Variants in NOL6 observed in about 807,000 individuals in gnomAD.
NOL6 encodes nucleolar RNA-associated protein.
A neutral mutation model predicts 131.7 loss-of-function variants in NOL6; 33 were observed. The ratio of observed to expected loss-of-function variants is 0.25; its 90% CI spans 0.19 to 0.33. The LOEUF (loss-of-function observed/expected upper bound fraction) is 0.33, where lower values mean the gene tolerates loss of function less well. NOL6 is among the 10% of genes least tolerant of loss of function. The pLI, the probability that NOL6 is intolerant of heterozygous loss-of-function variation, is 1.00. For synonymous variants in NOL6, 580 were observed against 605.7 expected (o/e 0.96, Z 0.62); for missense variants, 1,297 against 1,494.5 (o/e 0.87, Z 2.18).
rs1827427958 is a variant in NOL6 at position 33,472,133 on chromosome 9, G to A, written c.262-13C>T. 1 of 1,613,346 alleles carries A rather than the reference G, an allele frequency of 6.2e-7. No homozygotes were observed. The highest frequency in any genetic ancestry group is 1.3e-5 in the African/African-American group (1 of 75,040). On this transcript the variant is annotated splice_polypyrimidine_tract_variant and intron_variant, in intron 2 of 25. Transcript: ENST00000297990. Reference sequence around the variant, plus strand: ...GTAGCTCCTCTACCTGTAAGAGAGGGTAGAAGACAGTCCATCAGCCTCAGG... The same window carrying A: ...GTAGCTCCTCTACCTGTAAGAGAGGATAGAAGACAGTCCATCAGCCTCAGG...
Position 33,465,902 on chromosome 9 carries a change from T to C in NOL6, c.2365-5A>G, listed in dbSNP as rs1430935072. ...AATCCGAAACACAAATCCATCCTGTTGGAAGAAGGTATGGAAAGAGAAGGA... is the reference window on the plus strand; with the variant it reads ...AATCCGAAACACAAATCCATCCTGTCGGAAGAAGGTATGGAAAGAGAAGGA... On this transcript the variant is annotated splice_polypyrimidine_tract_variant and splice_region_variant and intron_variant, in intron 18 of 25. Coordinates refer to ENST00000297990, the MANE Select transcript of NOL6 (RefSeq NM_022917.5). 4 of 1,613,042 alleles carry C rather than the reference T, an allele frequency of 2.5e-6. No individual in the cohort carries two copies. Among genetic ancestry groups the C allele is most frequent in the Non-Finnish European group, 3.4e-6 (4 of 1,179,190 alleles).
At position 33,470,112 on chromosome 9, in the gene NOL6, C is replaced by T. The variant is rs373815590; in HGVS notation, c.458G>A (p.Arg153His). Residue 153 changes from arginine (R) to histidine (H), a missense_variant, in exon 4 of 26, where the codon CGC (arginine) becomes CAC (histidine). Arg to His is a conservative substitution (Grantham distance 29). Transcript: ENST00000297990. Reference protein sequence around the residue: ...QVPYAVKGCFRFLPPAQVTVV... With the variant: ...QVPYAVKGCFHFLPPAQVTVV... The stretch of plus-strand genomic sequence containing the variant: ...AGTAACCTGGGCTGGGGGCAGGAAG[C>T]GGAAACAGCCCTTCACGGCATAGGG... The T allele has an allele frequency of 2.4e-5, 38 of 1,612,554 alleles. No homozygotes were observed. The highest frequency in any genetic ancestry group is 2.1e-4 in the African/African-American group (16 of 74,896).
chr9:33,464,217 A>G, intron 21 of NOL6, 56 bp from the exon 22 acceptor site: 2 of 1,539,654 alleles, frequency 1.3e-6, no homozygotes, highest in East Asian at 2.3e-5. Flanking sequence ...GACACCCTCT[A>G]CTCCCCCAGG....
At chr9:33,466,819 T>C in intron 15 of NOL6, 93 bp downstream of exon 15, 1 of 1,572,614 alleles carries the variant, frequency 6.4e-7, no homozygotes, top group South Asian at 1.1e-5. Flanking sequence ...CTGCTGGACA[T>C]GCCAGGAAGT....
At chr9:33,469,459 C>A in intron 5 of NOL6, 40 bp downstream of exon 5, 1 of 1,591,382 alleles carries the variant, frequency 6.3e-7, no homozygotes, top group South Asian at 1.1e-5. Flanking sequence ...CCAGATTTAC[C>A]ATCCCATGCT....
In NOL6 at chr9:33,466,184, C is replaced by G; in HGVS notation, c.2251G>C (p.Ala751Pro). 4.3e-6 allele frequency: 7 copies of G among 1,612,846 alleles called. No homozygotes were observed. The highest frequency in any genetic ancestry group is 5.9e-6 in the Non-Finnish European group (7 of 1,179,528). The change falls in exon 18 of 26, where the codon GCT (alanine) becomes CCT (proline). Residue 751 changes from alanine to proline, a missense_variant. Ala to Pro is a conservative substitution (Grantham distance 27). Coordinates refer to ENST00000297990, the MANE Select transcript of NOL6 (RefSeq NM_022917.5). The part of the protein sequence containing the change: ...LEGSGQWPQD[A>P]EAVQRVRAAF... ...GCTCGGACCCGCTGCACGGCCTCAG[C>G]GTCCTGTGGCCACTGGCCACTGCCC...
chr9:33,469,422 G>A, intron 5 of NOL6, 77 bp downstream of exon 5: 1 of 1,604,942 alleles, frequency 6.2e-7, no homozygotes, highest in Non-Finnish European at 8.5e-7. Context: ...CCATACTTGA[G>A]GCCTCCGTGC....
chr9:33,472,072 G>A lies in NOL6; in HGVS notation c.310C>T (p.Arg104Trp), dbSNP rs200981776. ...EVRLSEKKKD[R>W]IDAFLREVNQ... ...ACCTCCCGTAGGAAGGCATCAATCCGATCCTTCTTCTTCTCTGACAGCCTT... is the reference window on the plus strand; with the variant it reads ...ACCTCCCGTAGGAAGGCATCAATCCAATCCTTCTTCTTCTCTGACAGCCTT... Residue 104 changes from arginine (R) to tryptophan (W), a missense_variant, in exon 3 of 26, where the codon CGG becomes TGG. Arg to Trp is a moderately radical substitution (Grantham distance 101, BLOSUM62 -3). Transcript: ENST00000297990. The A allele has an allele frequency of 4.0e-4, 638 of 1,613,916 alleles. 2 individuals carry two copies. Among genetic ancestry groups the A allele is most frequent in the South Asian group, 1.2e-3 (105 of 91,062 alleles).
At position 33,461,932 on chromosome 9, in the gene NOL6, C is replaced by T; in HGVS notation, c.*732G>A. The T allele has an allele frequency of 1.9e-6, 1 of 537,378 alleles. No individual in the cohort carries two copies. The highest frequency in any genetic ancestry group is 3.0e-5 in the East Asian group (1 of 33,346). 33.3% of individuals were successfully genotyped at this position (537,378 alleles called of 1,614,324 possible). A position where few individuals can be genotyped will look rare whatever the true frequency, so the allele number is the denominator to read the frequency against. ...GGTACATAGTAGTGGCAGTTTGTGA[C>T]ATGAACGGGCAAACAGCCAGGGCAG... On this transcript the variant is annotated 3_prime_UTR_variant, in exon 26 of 26. Coordinates refer to ENST00000297990, the MANE Select transcript of NOL6 (RefSeq NM_022917.5).
At position 33,463,425 on chromosome 9, in the gene NOL6, G is replaced by T. The variant is rs769325323; in HGVS notation, c.3011C>A (p.Pro1004His). 5.0e-6 allele frequency: 8 copies of T among 1,612,248 alleles called. No individual in the cohort carries two copies. Among genetic ancestry groups the T allele is most frequent in the Non-Finnish European group, 6.8e-6 (8 of 1,179,054 alleles). Residue 1004 changes from proline to histidine, a missense_variant, in exon 24 of 26, where the codon CCC becomes CAC. Physicochemically the swap from Pro to His is moderately conservative, Grantham distance 77. Coordinates refer to ENST00000297990, the MANE Select transcript of NOL6 (RefSeq NM_022917.5). ...PGDIRTVFRP[P>H]LDIYDVLIRL... ...AATCAGCACGTCGTAAATGTCCAAG[G>T]GCGGCCGGAACACTGTCTAAGGAAG...
rs766027559 is a variant in NOL6 at position 33,472,225 on chromosome 9, G to T, written c.242C>A (p.Ser81Tyr). 1.9e-6 allele frequency: 3 copies of T among 1,614,210 alleles called. No individual in the cohort carries two copies. The highest frequency in any genetic ancestry group is 2.5e-6 in the Non-Finnish European group (3 of 1,180,030). Reference sequence around the variant, plus strand: ...CAGTACCTGTAAACGAAGCAAGCTGGAGTGGAACAAGATCTCAGTCTCCCG... The same window carrying T: ...CAGTACCTGTAAACGAAGCAAGCTGTAGTGGAACAAGATCTCAGTCTCCCG... ...RLRETEILFH[S>Y]SLLRLQVEEL... Residue 81 changes from serine to tyrosine, a missense_variant, in exon 2 of 26, where the codon TCC (serine) becomes TAC (tyrosine). Ser to Tyr is a moderately radical substitution (Grantham distance 144). Coordinates refer to ENST00000297990, the MANE Select transcript of NOL6 (RefSeq NM_022917.5).
rs531563377 is a variant in NOL6 at position 33,468,090 on chromosome 9, C to T, written c.1364G>A (p.Gly455Glu). 1 of 1,614,144 alleles carries T rather than the reference C, an allele frequency of 6.2e-7. No homozygotes were observed. Among genetic ancestry groups the T allele is most frequent in the African/African-American group, 1.3e-5 (1 of 75,046 alleles). The part of the protein sequence containing the change: ...MMLLDSRADD[G>E]FHLLLMTPKP... ...GGGAGTCATCAACAGCAGGTGGAAC[C>T]CGTCGTCAGCTCTGCTGTCCAGCAA... The change falls in exon 11 of 26, where the codon GGG (glycine) becomes GAG (glutamate). Residue 455 changes from glycine to glutamate, a missense_variant. Physicochemically the swap from Gly to Glu is moderately conservative, Grantham distance 98 (BLOSUM62 -2). Coordinates refer to ENST00000297990, the MANE Select transcript of NOL6 (RefSeq NM_022917.5).
chr9:33,472,458 G>T, intron 1 of NOL6, 46 bp from the exon 2 acceptor site: 3 of 1,495,628 alleles, frequency 2.0e-6, no homozygotes, highest in South Asian at 2.3e-5. Flanking sequence ...TAGGTATCTA[G>T]CATCTGCTGC....
chr9:33,466,273 C>T (rs1277990451), intron 17 of NOL6, 35 bp downstream of exon 17: 2 of 1,613,162 alleles, frequency 1.2e-6, no homozygotes, highest in Admixed American at 3.3e-5. Flanking sequence ...GGAGCTGGAA[C>T]TATCCCTCCC....
Position 33,469,291 on chromosome 9 carries a change from C to T in NOL6, c.778G>A (p.Asp260Asn), listed in dbSNP as rs200962402. Reference sequence around the variant, plus strand: ...AGCAAGCGGCACGGGCGGAAGAAGTCAGGTGGAGGGCACGGATGCAGACGT... The same window carrying T: ...AGCAAGCGGCACGGGCGGAAGAAGTTAGGTGGAGGGCACGGATGCAGACGT... ...TVRLHPCPPP[D>N]FFRPCRLLPT... is the part of the protein sequence containing the mutation. Residue 260 changes from aspartate (D) to asparagine (N), a missense_variant, in exon 6 of 26, where the codon GAC becomes AAC. By Grantham distance (23) the Asp-to-Asn change is conservative. Transcript: ENST00000297990. The T allele has an allele frequency of 9.6e-4, 1,553 of 1,614,196 alleles. 27 individuals carry two copies. The South Asian group carries it at 0.016, about 17-fold the overall frequency.
rs756755136 is a variant in NOL6, at chr9:33,468,094, C to T, written c.1360G>A (p.Asp454Asn). The change falls in exon 11 of 26, where the codon GAC (aspartate) becomes AAC (asparagine). Residue 454 changes from aspartate (D) to asparagine (N), a missense_variant. Transcript: ENST00000297990. ...SMMLLDSRAD[D>N]GFHLLLMTPK... The stretch of plus-strand genomic sequence containing the variant: ...GTCATCAACAGCAGGTGGAACCCGT[C>T]GTCAGCTCTGCTGTCCAGCAACATC... The T allele has an allele frequency of 2.6e-5, 42 of 1,614,030 alleles. No individual in the cohort carries two copies. Among genetic ancestry groups the T allele is most frequent in the South Asian group, 4.4e-5 (4 of 91,082 alleles).
rs1447352049 is a variant in NOL6 at position 33,463,838 on chromosome 9, T to A, written c.2987A>T (p.Asp996Val). The A allele has an allele frequency of 1.2e-6, 2 of 1,613,852 alleles. No homozygotes were observed. Among genetic ancestry groups the A allele is most frequent in the African/African-American group, 1.3e-5 (1 of 74,860 alleles). Residue 996 changes from aspartate (D) to valine (V), a missense_variant, in exon 23 of 26, where the codon GAC becomes GTC. Transcript: ENST00000297990. ...TGCTGGTCAGAAGCTTACCCTGATGTCCCCAGGTCCCCGGGGATCCATGAG... is the reference window on the plus strand; with the variant it reads ...TGCTGGTCAGAAGCTTACCCTGATGACCCCAGGTCCCCGGGGATCCATGAG... ...KQLMDPRGPG[D>V]IRTVFRPPLD...
chr9:33,461,838 C>T lies in NOL6; in HGVS notation c.*826G>A. 3.6e-6 allele frequency: 1 copy of T among 279,440 alleles called. No individual in the cohort carries two copies. Among genetic ancestry groups the T allele is most frequent in the Non-Finnish European group, 6.9e-6 (1 of 145,866 alleles). The allele number at this position is 279,440 out of a possible 1,614,324, so 17.3% of individuals were successfully genotyped here. Reference sequence around the variant, plus strand: ...CCAGACTGAAAGGAGGCAGCATTCTCCTCCTTGGGCCCTGGGAGCTCCTGG... The same window carrying T: ...CCAGACTGAAAGGAGGCAGCATTCTTCTCCTTGGGCCCTGGGAGCTCCTGG... On this transcript the variant is annotated 3_prime_UTR_variant, in exon 26 of 26. Transcript: ENST00000297990.
rs369849073 is a variant in NOL6, at chr9:33,465,785, C to G, written c.2477G>C (p.Arg826Pro). Residue 826 changes from arginine to proline, a missense_variant, in exon 19 of 26, where the codon CGC becomes CCC. Physicochemically the swap from Arg to Pro is moderately radical, Grantham distance 103. Coordinates refer to ENST00000297990, the MANE Select transcript of NOL6 (RefSeq NM_022917.5). ...CAACTGCCTTGTGTCTCTCTCAAGG[C>G]GGAGGGAGGCAGCTGTGTCCCTCAG... ...ISLRDTAASL[R>P]LERDTRQLPL... The G allele has an allele frequency of 6.2e-7, 1 of 1,613,694 alleles. No homozygotes were observed. The highest frequency in any genetic ancestry group is 8.5e-7 in the Non-Finnish European group (1 of 1,179,826).
Sources: allele counts gnomAD v4.1 joint callset, GRCh38; gene constraint gnomAD v4.1.1; transcripts MANE v1.5; gene names NCBI Gene and HGNC (gene_info 2026-07-23, HGNC 2026-07-21).